The following CNTNAP5 variants were observed in gnomAD, a reference collection of about 807,000 sequenced individuals.
CNTNAP5 encodes contactin associated protein family member 5.
CNTNAP5 carries 72 observed loss-of-function variants against 150.2 expected under a neutral mutation model. That is an observed-to-expected ratio of 0.48 (90% CI 0.40 to 0.58). CNTNAP5 has a LOEUF of 0.58. Among genes scored for constraint, CNTNAP5 ranks in the 20% least tolerant of loss-of-function variants. The pLI, the probability that CNTNAP5 is intolerant of heterozygous loss-of-function variation, is 0.00. For missense variants in CNTNAP5, 1,636 were observed against 1,626.2 expected (o/e 1.01, Z -0.10); for synonymous variants, 672 against 619.8 (o/e 1.08, Z -1.25).
chr2:124,500,225 C>T (rs1228582283), intron 7 of CNTNAP5, among the ~76,000 whole-genome samples: 1 of 152,074 alleles, frequency 6.6e-6, no homozygotes, highest in African/African-American at 2.4e-5. Context: ...AATGTTTAAT[C>T]CGGGCACCTC....
intron 13 of CNTNAP5, among the ~76,000 whole-genome samples, chr2:124,660,958 A>AAG (rs1553428399): frequency 2.7e-5 from 4 of 150,934 alleles, no homozygotes; most frequent in Non-Finnish European, 5.9e-5. Context: ...AAAAAAAAAA[A>AAG]AAAAGAAAAA....
At chr2:124,658,396 C>G (rs1254309426) in intron 13 of CNTNAP5, among the ~76,000 whole-genome samples, 2 of 151,836 alleles carry the variant, frequency 1.3e-5, no homozygotes, top group African/African-American at 4.8e-5. Context: ...CACTCCATGT[C>G]TCTATATTCA....
intron 19 of CNTNAP5, 79 bp from the exon 20 acceptor site, chr2:124,865,227 A>G (rs565581460): frequency 1.7e-6 from 2 of 1,186,438 alleles, no homozygotes; most frequent in Non-Finnish European, 2.4e-6. Context: ...CTAATAATCA[A>G]TTAAAAGATA....
At chr2:124,749,887 G>T (rs1450727524) in intron 14 of CNTNAP5, among the ~76,000 whole-genome samples, 2 of 152,132 alleles carry the variant, frequency 1.3e-5, no homozygotes, top group Non-Finnish European at 2.9e-5. Flanking sequence ...GAAAAGCGTG[G>T]CCTTATATCC....
At chr2:124,033,106 G>A (rs928400061) in intron 1 of CNTNAP5, among the ~76,000 whole-genome samples, 22 of 152,120 alleles carry the variant, frequency 1.4e-4, no homozygotes, top group African/African-American at 3.6e-4. Context: ...ATTTGCTGGC[G>A]TAAATTCCAT....
chr2:124,034,975 T>C (rs1178699164), intron 1 of CNTNAP5, among the ~76,000 whole-genome samples: 2 of 151,818 alleles, frequency 1.3e-5, no homozygotes, highest in Non-Finnish European at 2.9e-5. Context: ...TATTAAGACA[T>C]GTTATCCACA....
chr2:124,352,550 G>C (rs1197138973), intron 3 of CNTNAP5, among the ~76,000 whole-genome samples: 5 of 152,186 alleles, frequency 3.3e-5, no homozygotes, highest in Admixed American at 1.3e-4. Context: ...CTTTCTAGCT[G>C]TGCAATTTTC....
intron 3 of CNTNAP5, among the ~76,000 whole-genome samples, chr2:124,336,218 A>G (rs534416389): frequency 2.4e-4 from 36 of 152,118 alleles, no homozygotes; most frequent in Non-Finnish European, 1.6e-4. Context: ...TCTGCTATAA[A>G]CAAAGGTTGC....
At chr2:124,477,709 C>A (rs1693674104) in intron 7 of CNTNAP5, among the ~76,000 whole-genome samples, 1 of 147,960 alleles carries the variant, frequency 6.8e-6, no homozygotes, top group South Asian at 2.1e-4. Flanking sequence ...CTATGGAAAG[C>A]ACACTCATTC....
At chr2:124,107,093 G>A (rs938457257) in intron 1 of CNTNAP5, among the ~76,000 whole-genome samples, 4 of 152,034 alleles carry the variant, frequency 2.6e-5, no homozygotes, top group Non-Finnish European at 4.4e-5. Context: ...ACGTAGGCAG[G>A]ACTGTGAAAT....
chr2:124,191,286 A>G (rs1248013207), intron 1 of CNTNAP5, among the ~76,000 whole-genome samples: 1 of 152,162 alleles, frequency 6.6e-6, no homozygotes, highest in Non-Finnish European at 1.5e-5. Context: ...AGAAGATCTC[A>G]AAGGATGGGG....
chr2:124,599,097 C>CCGTCTTCTG (rs1696914244), intron 11 of CNTNAP5, among the ~76,000 whole-genome samples: 1 of 152,176 alleles, frequency 6.6e-6, no homozygotes, highest in Non-Finnish European at 1.5e-5. Context: ...CAGAAATCAC[C>CCGTCTTCTG]CGTCTTCTGC....
At chr2:124,404,533 T>G (rs934464327) in intron 3 of CNTNAP5, among the ~76,000 whole-genome samples, 1 of 152,176 alleles carries the variant, frequency 6.6e-6, no homozygotes, top group Non-Finnish European at 1.5e-5. Context: ...ATCAGCACCT[T>G]TGTGTGACCA....
chr2:124,698,925 G>C (rs946300530), intron 13 of CNTNAP5, among the ~76,000 whole-genome samples: 1 of 152,126 alleles, frequency 6.6e-6, no homozygotes, highest in Non-Finnish European at 1.5e-5. Context: ...TTCGAAGAGT[G>C]GCAGCCCAGT....
intron 13 of CNTNAP5, among the ~76,000 whole-genome samples, chr2:124,688,243 A>G (rs1310316469): frequency 6.6e-6 from 1 of 152,104 alleles, no homozygotes; most frequent in Non-Finnish European, 1.5e-5. Context: ...TTTGGCAATA[A>G]TATCTTTGGA....
chr2:124,093,406 T>A lies in CNTNAP5; in HGVS notation c.82+67674T>A, dbSNP rs543683274. On this transcript the variant is annotated intron_variant, in intron 1 of 23. Transcript: ENST00000682447. The stretch of plus-strand genomic sequence containing the variant: ...CAGTTACTATTATGATTGCTGCCTG[T>A]AGATTCTTGACTTGCATTTTGAAGG... Among the ~76,000 whole-genome samples, 147 of 152,346 alleles carry A rather than the reference T, an allele frequency of 9.6e-4. 1 individual carries two copies. The highest frequency in any genetic ancestry group is 5.3e-3 in the Admixed American group (81 of 15,306).
intron 1 of CNTNAP5, among the ~76,000 whole-genome samples, chr2:124,204,229 T>C (rs1483533343): frequency 6.6e-6 from 1 of 152,160 alleles, no homozygotes; most frequent in Non-Finnish European, 1.5e-5. Flanking sequence ...ATGCTACCAG[T>C]CTCTTCGATA....
At chr2:124,905,335 G>A (rs560912631) in intron 22 of CNTNAP5, among the ~76,000 whole-genome samples, 7 of 151,778 alleles carry the variant, frequency 4.6e-5, no homozygotes, top group Non-Finnish European at 1.0e-4. Context: ...ACTCCTGGTG[G>A]GAATGCAAAT....
intron 11 of CNTNAP5, among the ~76,000 whole-genome samples, chr2:124,607,119 T>G (rs1677249134): frequency 6.6e-6 from 1 of 152,180 alleles, no homozygotes; most frequent in African/African-American, 2.4e-5. Flanking sequence ...CGAGAGTTGA[T>G]TAGCTACCTA....
Sources: gnomAD v4.1 joint callset for allele counts (sites outside exome capture counted in the v4.1 genomes callset) on GRCh38, gnomAD v4.1.1 for gene constraint, MANE v1.5 for transcripts, NCBI Gene and HGNC (gene_info 2026-07-23, HGNC 2026-07-21) for gene names.